The following BTD variants were observed in gnomAD, a reference collection of about 807,000 sequenced individuals.
The protein encoded by BTD is biotinidase.
In BTD, 13 loss-of-function variants were observed where a neutral mutation model predicts 17.7. The ratio of observed to expected loss-of-function variants is 0.74; its 90% CI spans 0.48 to 1.17. The LOEUF is 1.17. Among genes scored for constraint, BTD ranks in the 50% most tolerant of loss-of-function variants. The pLI is 0.00. For synonymous variants in BTD, 240 were observed against 245.2 expected (o/e 0.98, Z 0.20); for missense variants, 674 against 650.4 (o/e 1.04, Z -0.39).
At chr3:15,613,509 T>C (rs2064696646) in intron 1 of BTD, among the ~76,000 whole-genome samples, 1 of 152,026 alleles carries the variant, frequency 6.6e-6, no homozygotes, top group Non-Finnish European at 1.5e-5. Flanking sequence ...CCTTCTCTCT[T>C]CTTCCCTCTT....
chr3:15,610,474 T>A (rs1056663638), intron 1 of BTD, among the ~76,000 whole-genome samples: 1 of 152,230 alleles, frequency 6.6e-6, no homozygotes, highest in Non-Finnish European at 1.5e-5. Flanking sequence ...GAGAAATTGC[T>A]GGCCTTTTTT....
chr3:15,705,218 A>C (rs547882291), intron 3 of BTD, among the ~76,000 whole-genome samples: 1 of 152,332 alleles, frequency 6.6e-6, no homozygotes, highest in South Asian at 2.1e-4. Flanking sequence ...CAGTAAGAAA[A>C]CTAGTGATTT....
chr3:15,638,493 ATG>A (rs1384627251), intron 2 of BTD, among the ~76,000 whole-genome samples: 1 of 152,210 alleles, frequency 6.6e-6, no homozygotes, highest in African/African-American at 2.4e-5. Context: ...ACCAAGCCAC[ATG>A]TACTAAGGGT....
At chr3:15,626,290 A>G (rs1157548114) in intron 1 of BTD, among the ~76,000 whole-genome samples, 1 of 152,194 alleles carries the variant, frequency 6.6e-6, no homozygotes, top group Admixed American at 6.5e-5. Flanking sequence ...AATCCTGGCT[A>G]TGGGTAGCAG....
At chr3:15,631,555 A>G in intron 1 of BTD, 3 of 1,365,664 alleles carry the variant, frequency 2.2e-6, no homozygotes, top group African/African-American at 1.4e-5. Context: ...CCAAATTTAC[A>G]TGAAATAGAT....
intron 1 of BTD, among the ~76,000 whole-genome samples, chr3:15,620,965 C>G (rs1192037903): frequency 2.0e-5 from 3 of 152,250 alleles, no homozygotes; most frequent in Non-Finnish European, 4.4e-5. Context: ...AGGCCGAAGG[C>G]CTGAGAACCC....
At chr3:15,711,244 C>T (rs750169581) in exon 4 of BTD, 1 of 1,612,474 alleles carries the variant, frequency 6.2e-7, no homozygotes, top group Non-Finnish European at 8.5e-7. Context: ...ACAAGTCCTG[C>T]CAAAATCATC....
intron 3 of BTD, chr3:15,686,412 C>T: frequency 3.3e-6 from 3 of 918,720 alleles, no homozygotes; most frequent in Non-Finnish European, 5.0e-6. Context: ...GGGATAGTTG[C>T]ACTGAATTTA....
At chr3:15,602,018 C>T (rs962634604) in intron 1 of BTD, 124 bp downstream of exon 1, 41 of 1,504,398 alleles carry the variant, frequency 2.7e-5, no homozygotes, top group African/African-American at 4.1e-5. Flanking sequence ...CTGGGAAGCC[C>T]GGCGCGCGTC....
At chr3:15,679,662 T>A in intron 3 of BTD, 1 of 868,054 alleles carries the variant, frequency 1.2e-6, no homozygotes, top group Non-Finnish European at 1.8e-6. Context: ...TAAAAGTCTC[T>A]CCCTCATCCC....
In BTD at chr3:15,601,886, T is replaced by A. The variant is rs2064259368; in HGVS notation, c.-25T>A. 6.2e-7 allele frequency: 1 copy of A among 1,613,760 alleles called. No individual in the cohort carries two copies. The highest frequency in any genetic ancestry group is 8.5e-7 in the Non-Finnish European group (1 of 1,180,022). On this transcript the variant is annotated 5_prime_UTR_variant, in exon 1 of 4. Coordinates refer to ENST00000643237, the MANE Select transcript of BTD (RefSeq NM_001370658.1). The stretch of plus-strand genomic sequence containing the variant: ...CGCATATTCAGGGCGGAAGGCGCGC[T>A]AAGAGCAGGTACGGAGGGGGCGTGG...
In BTD at chr3:15,650,347, C is replaced by A. The variant is rs2065781193; in HGVS notation, c.*4859C>A. Among the ~76,000 whole-genome samples the A allele has an allele frequency of 6.6e-6, 1 of 152,136 alleles. No homozygotes were observed. The highest frequency in any genetic ancestry group is 6.5e-5 in the Admixed American group (1 of 15,272). On this transcript the variant is annotated 3_prime_UTR_variant, in exon 4 of 4. Coordinates refer to ENST00000643237, the MANE Select transcript of BTD (RefSeq NM_001370658.1). ...AAAAATGAAATTACCAATATATGAA[C>A]TCTAGGCATCATGCATATATAATTT...
At chr3:15,626,199 A>G (rs903404847) in intron 1 of BTD, among the ~76,000 whole-genome samples, 19 of 151,950 alleles carry the variant, frequency 1.3e-4, no homozygotes, top group African/African-American at 4.6e-4. Flanking sequence ...TATTCAATCA[A>G]CCTCCCCCAC....
intron 1 of BTD, among the ~76,000 whole-genome samples, chr3:15,622,700 T>C (rs186072823): frequency 7.1e-4 from 108 of 152,008 alleles, no homozygotes; most frequent in African/African-American, 2.6e-3. Context: ...TTTGCAGTTC[T>C]GTCCATTTTT....
At chr3:15,678,398 T>C in intron 3 of BTD, 2 of 1,534,560 alleles carry the variant, frequency 1.3e-6, no homozygotes, top group Non-Finnish European at 1.8e-6. Flanking sequence ...ATTTGAATGT[T>C]ATATATGCTG....
At chr3:15,637,418 G>A (rs1230055588) in intron 2 of BTD, among the ~76,000 whole-genome samples, 1 of 152,050 alleles carries the variant, frequency 6.6e-6, no homozygotes, top group African/African-American at 2.4e-5. Context: ...AGACACACAT[G>A]CTGCCATTGC....
At chr3:15,615,387 A>G (rs1430909990) in intron 1 of BTD, among the ~76,000 whole-genome samples, 4 of 152,142 alleles carry the variant, frequency 2.6e-5, no homozygotes, top group Admixed American at 2.6e-4. Context: ...GCAGGCAGAT[A>G]TTTGTTTTTG....
intron 3 of BTD, chr3:15,677,514 C>A: frequency 6.2e-7 from 1 of 1,613,030 alleles, no homozygotes; most frequent in Non-Finnish European, 8.5e-7. Flanking sequence ...AGTATTTTTA[C>A]TGTTATCTTG....
intron 1 of BTD, among the ~76,000 whole-genome samples, chr3:15,625,697 A>T (rs1038393357): frequency 1.3e-5 from 2 of 152,098 alleles, no homozygotes. Context: ...CTGGGACTAC[A>T]GGCACCCGCC....
Sources: gnomAD v4.1 joint callset for allele counts (sites outside exome capture counted in the v4.1 genomes callset) on GRCh38, gnomAD v4.1.1 for gene constraint, MANE v1.5 for transcripts, NCBI Gene and HGNC (gene_info 2026-07-23, HGNC 2026-07-21) for gene names.